The following JAKMIP1 variants were observed in gnomAD, a reference collection of about 807,000 sequenced individuals.
The protein encoded by JAKMIP1 is janus kinase and microtubule interacting protein 1.
In JAKMIP1, 33 loss-of-function variants were observed where a neutral mutation model predicts 113.0. The observed-to-expected ratio is 0.29, with a 90% CI of 0.22 to 0.39. JAKMIP1 has a LOEUF of 0.39. Ranked by LOEUF, JAKMIP1 falls within the 10% of genes least tolerant of loss-of-function variation. JAKMIP1 has a pLI of 1.00. For missense variants in JAKMIP1, 813 were observed against 1,080.5 expected, an observed-to-expected ratio of 0.75 and a Z score of 3.47; for synonymous variants, 480 against 459.9, an observed-to-expected ratio of 1.04 and a Z score of -0.56.
intron 1 of JAKMIP1, among the ~76,000 whole-genome samples, chr4:6,126,320 C>G (rs1388231272): frequency 7.1e-6 from 1 of 140,844 alleles, no homozygotes; most frequent in South Asian, 2.4e-4. Context: ...CACACACAAA[C>G]ATACACCTTG....
chr4:6,107,349 G>A (rs1023019548), intron 2 of JAKMIP1, among the ~76,000 whole-genome samples: 9 of 152,210 alleles, frequency 5.9e-5, no homozygotes, highest in Admixed American at 5.9e-4. Context: ...TTGATGAGCT[G>A]CGTTTCCCCA....
intron 9 of JAKMIP1, among the ~76,000 whole-genome samples, chr4:6,063,617 C>A (rs558508035): frequency 3.3e-5 from 5 of 152,154 alleles, no homozygotes; most frequent in African/African-American, 1.2e-4. Flanking sequence ...TGACATGTGT[C>A]CCCTAGAGTT....
At position 6,193,047 on chromosome 4, in the gene JAKMIP1, C is replaced by T. The variant is rs374415973; in HGVS notation, c.-148+7206G>A. On this transcript the variant is annotated intron_variant, in intron 1 of 20. Coordinates refer to ENST00000409021, the MANE Select transcript of JAKMIP1 (RefSeq NM_001099433.2). This position sits in a 1 kb window ranked among gnomAD's most constrained non-coding sequence, Gnocchi z 6.4. Reference sequence around the variant, plus strand: ...TCAGTGTGGGTGGGCACCATCTAATCGGCTGCCAGCGTGGCTAGAATAAAG... The same window carrying T: ...TCAGTGTGGGTGGGCACCATCTAATTGGCTGCCAGCGTGGCTAGAATAAAG... 5.3e-5 allele frequency among the ~76,000 whole-genome samples: 8 copies of T among 152,156 alleles called. No individual in the cohort carries two copies. The highest frequency in any genetic ancestry group is 1.9e-4 in the African/African-American group (8 of 41,440).
Position 6,064,594 on chromosome 4 carries a change from T to C in JAKMIP1, c.1431+286A>G, listed in dbSNP as rs753858276. ...GGAAACCCAAGGCAACATCCCTCAA[T>C]GACTCAGCTTGAACTTGGCAGCCAC... On this transcript the variant is annotated intron_variant, in intron 9 of 20. Coordinates refer to ENST00000409021, the MANE Select transcript of JAKMIP1 (RefSeq NM_001099433.2). The surrounding 1 kb of genome is among the most constrained non-coding windows in gnomAD (Gnocchi z 4.3). Among the ~76,000 whole-genome samples, 1 of 152,156 alleles carries C rather than the reference T, an allele frequency of 6.6e-6. No homozygotes were observed. The highest frequency in any genetic ancestry group is 1.5e-5 in the Non-Finnish European group (1 of 68,026).
rs1715541950 is a variant in JAKMIP1, at chr4:6,050,616, T to A, written c.1870A>T (p.Ser624Cys). The A allele has an allele frequency of 6.3e-7, 1 of 1,576,354 alleles. No homozygotes were observed. Among genetic ancestry groups the A allele is most frequent in the Non-Finnish European group, 8.6e-7 (1 of 1,160,580 alleles). ...TGGTGACAGAACAGCTGGAGAGCGC[T>A]GCTGTGGTTCTCGGGGAAGGTGGTG... ...QITTFPENHSSALQLFCHQEG... is the reference protein window; with the variant it reads ...QITTFPENHSCALQLFCHQEG... The change falls in exon 14 of 21, where the codon AGC becomes TGC. Residue 624 changes from serine (S) to cysteine (C), a missense_variant. By Grantham distance (112) the Ser-to-Cys change is moderately radical. This residue lies in a region of JAKMIP1 where 273 missense variants were observed against 426.6 expected (regional missense o/e 0.64). Transcript: ENST00000409021. This position sits in a 1 kb window ranked among gnomAD's most constrained non-coding sequence, Gnocchi z 7.4.
rs551653558 is a variant in JAKMIP1 at position 6,137,294 on chromosome 4, C to T, written c.-147-24297G>A. 6.6e-6 allele frequency among the ~76,000 whole-genome samples: 1 copy of T among 152,326 alleles called. No homozygotes were observed. Among genetic ancestry groups the T allele is most frequent in the Admixed American group, 6.5e-5 (1 of 15,308 alleles). On this transcript the variant is annotated intron_variant, in intron 1 of 20. Transcript: ENST00000409021. The surrounding 1 kb of genome is among the most constrained non-coding windows in gnomAD (Gnocchi z 4.5). ...GGGCTCACCAGGGCCCACTGAGCCACAGCAGCCACAGTGGCTGCAAGACGG... is the reference window on the plus strand; with the variant it reads ...GGGCTCACCAGGGCCCACTGAGCCATAGCAGCCACAGTGGCTGCAAGACGG...
In JAKMIP1 at chr4:6,054,875, C is replaced by T. The variant is rs1170238188; in HGVS notation, c.1708-727G>A. ...ACCATTACAGAAGGCTAGAGGGGGG[C>T]CCTCTGCCAGGTGATCCCACCCCCG... On this transcript the variant is annotated intron_variant, in intron 12 of 20. Coordinates refer to ENST00000409021, the MANE Select transcript of JAKMIP1 (RefSeq NM_001099433.2). 7 of 456,444 alleles carry T rather than the reference C, an allele frequency of 1.5e-5. No homozygotes were observed. In the East Asian group the frequency reaches 2.8e-4, roughly 18 times the overall value. 28.3% of individuals were successfully genotyped at this position (456,444 alleles called of 1,614,324 possible).
At chr4:6,060,281 G>C in intron 11 of JAKMIP1, 143 bp downstream of exon 11, 1 of 694,676 alleles carries the variant, frequency 1.4e-6, no homozygotes, top group Non-Finnish European at 2.6e-6. Flanking sequence ...CCTGGGTTCT[G>C]CTAGTGTTTT....
intron 1 of JAKMIP1, among the ~76,000 whole-genome samples, chr4:6,173,437 CCAAATATGAACTATGGAG>C (rs1283709336): frequency 4.6e-5 from 7 of 152,272 alleles, no homozygotes; most frequent in Middle Eastern, 3.4e-3. Context: ...CAAGAGGATG[CCAAATATGAACTATGGAG>C]CAAGCATTCC....
chr4:6,153,562 G>A lies in JAKMIP1; in HGVS notation c.-147-40565C>T, dbSNP rs971201256. ...AATTAGCTTTCCGGAGGTGTAATTT[G>A]CGCTGTAAGAGGGTGCACCTCAGAC... On this transcript the variant is annotated intron_variant, in intron 1 of 20. Coordinates refer to ENST00000409021, the MANE Select transcript of JAKMIP1 (RefSeq NM_001099433.2). This position sits in a 1 kb window ranked among gnomAD's most constrained non-coding sequence, Gnocchi z 4.9. Among the ~76,000 whole-genome samples the A allele has an allele frequency of 2.6e-5, 4 of 152,176 alleles. No homozygotes were observed. Among genetic ancestry groups the A allele is most frequent in the Non-Finnish European group, 1.5e-5 (1 of 68,042 alleles).
chr4:6,198,659 A>G (rs1442631196), intron 1 of JAKMIP1, among the ~76,000 whole-genome samples: 2 of 152,242 alleles, frequency 1.3e-5, no homozygotes, highest in African/African-American at 2.4e-5. Flanking sequence ...AAATCTTGCA[A>G]CAAGCCACAA....
chr4:6,083,980 T>G (rs766083640), intron 5 of JAKMIP1, among the ~76,000 whole-genome samples: 4 of 152,118 alleles, frequency 2.6e-5, no homozygotes, highest in Non-Finnish European at 5.9e-5. Flanking sequence ...AAAAAGTAAA[T>G]ACATAAGCAC....
At position 6,097,755 on chromosome 4, in the gene JAKMIP1, G is replaced by C. The variant is rs1712069541; in HGVS notation, c.624+7718C>G. 2.0e-5 allele frequency among the ~76,000 whole-genome samples: 3 copies of C among 152,142 alleles called. No homozygotes were observed. Among genetic ancestry groups the C allele is most frequent in the South Asian group, 2.1e-4 (1 of 4,824 alleles). ...TCATTCTCATCATCATTTGACAAAT[G>C]GTGTGAGTCAACCATTCCATGGGAA... On this transcript the variant is annotated intron_variant, in intron 3 of 20. Coordinates refer to ENST00000409021, the MANE Select transcript of JAKMIP1 (RefSeq NM_001099433.2). This position sits in a 1 kb window ranked among gnomAD's most constrained non-coding sequence, Gnocchi z 4.3.
intron 1 of JAKMIP1, among the ~76,000 whole-genome samples, chr4:6,191,605 G>A (rs913202259): frequency 1.3e-5 from 2 of 152,164 alleles, no homozygotes; most frequent in Non-Finnish European, 2.9e-5. Context: ...ACTTGCCTGA[G>A]GTCACAGACC....
chr4:6,196,701 A>C (rs141213003), intron 1 of JAKMIP1, among the ~76,000 whole-genome samples: 95 of 152,282 alleles, frequency 6.2e-4, no homozygotes, highest in African/African-American at 2.2e-3. Context: ...TCTACTAAAA[A>C]TACAAAAAAA....
At chr4:6,127,362 A>T (rs1717844374) in intron 1 of JAKMIP1, among the ~76,000 whole-genome samples, 1 of 152,214 alleles carries the variant, frequency 6.6e-6, no homozygotes, top group African/African-American at 2.4e-5. Context: ...CACACCGTGG[A>T]GTTTGCTGAA....
chr4:6,054,928 G>T, intron 12 of JAKMIP1: 3 of 446,554 alleles, frequency 6.7e-6, no homozygotes, highest in Non-Finnish European at 1.4e-5. Context: ...GGATGAGGGG[G>T]TGAGGGTTTT....
intron 11 of JAKMIP1, among the ~76,000 whole-genome samples, chr4:6,057,568 T>C (rs1716654060): frequency 6.6e-6 from 1 of 152,228 alleles, no homozygotes; most frequent in Non-Finnish European, 1.5e-5. Flanking sequence ...ATCCTCATGC[T>C]GATCCATGTG....
chr4:6,157,006 G>A lies in JAKMIP1; in HGVS notation c.-148+43247C>T, dbSNP rs1231250807. 6.6e-6 allele frequency among the ~76,000 whole-genome samples: 1 copy of A among 152,188 alleles called. No homozygotes were observed. The highest frequency in any genetic ancestry group is 2.4e-5 in the African/African-American group (1 of 41,450). The stretch of plus-strand genomic sequence containing the variant: ...TGTAAAGAGGGGGGACCTTTAAGGG[G>A]TGATTGGGTCATGAGGGCTCTAACC... On this transcript the variant is annotated intron_variant, in intron 1 of 20. Coordinates refer to ENST00000409021, the MANE Select transcript of JAKMIP1 (RefSeq NM_001099433.2). The surrounding 1 kb of genome is among the most constrained non-coding windows in gnomAD (Gnocchi z 4.7).
Sources: allele counts gnomAD v4.1 joint callset (sites outside exome capture counted in the v4.1 genomes callset), GRCh38; gene constraint gnomAD v4.1.1; regional missense constraint gnomAD v4.1.1; non-coding constraint Gnocchi (gnomAD v3.1); transcripts MANE v1.5; gene names NCBI Gene and HGNC (gene_info 2026-07-23, HGNC 2026-07-21).